The following ADGRL3 variants were observed in gnomAD, a reference collection of about 807,000 sequenced individuals.
ADGRL3 encodes calcium-independent alpha-latrotoxin receptor 3.
A neutral mutation model predicts 153.5 loss-of-function variants in ADGRL3; 62 were observed. That is an observed-to-expected ratio of 0.40 (90% confidence interval 0.33 to 0.50). The LOEUF (loss-of-function observed/expected upper bound fraction) is 0.50, where lower values mean the gene tolerates loss of function less well. Among genes scored for constraint, ADGRL3 ranks in the 20% least tolerant of loss-of-function variants. ADGRL3 has a pLI of 0.47. For missense variants in ADGRL3, 1,641 were observed against 1,859.4 expected (o/e 0.88, Z 2.16); for synonymous variants, 710 against 672.5 (o/e 1.06, Z -0.86).
intron 12 of ADGRL3, among the ~76,000 whole-genome samples, chr4:61,912,016 A>T (rs1381445695): frequency 6.6e-6 from 1 of 152,190 alleles, no homozygotes; most frequent in African/African-American, 2.4e-5. Flanking sequence ...ATCACTCTCT[A>T]TGCAAACAAA....
Position 62,018,060 on chromosome 4 carries a change from T to G in ADGRL3, c.3396-10795T>G, listed in dbSNP as rs557182228. Among the ~76,000 whole-genome samples, 11 of 152,204 alleles carry G rather than the reference T, an allele frequency of 7.2e-5. No individual in the cohort carries two copies. In the East Asian group the frequency reaches 1.9e-3, roughly 27 times the overall value. ...ATGAGAGATTCAAAAGAATATAGAT[T>G]CCTGAAAAATTTCACTGTTTGCAAA... is the stretch of plus-strand genomic sequence containing the variant. On this transcript the variant is annotated intron_variant, in intron 21 of 26. Transcript: ENST00000683033.
At chr4:61,918,750 T>C (rs1233403843) in intron 13 of ADGRL3, among the ~76,000 whole-genome samples, 2 of 152,220 alleles carry the variant, frequency 1.3e-5, no homozygotes, top group Non-Finnish European at 2.9e-5. Flanking sequence ...CAACTTTTGA[T>C]AATTAAAAAG....
intron 19 of ADGRL3, among the ~76,000 whole-genome samples, chr4:61,985,305 G>A (rs946368197): frequency 2.0e-5 from 3 of 151,652 alleles, no homozygotes; most frequent in Admixed American, 6.6e-5. Context: ...TGAGGTGAGT[G>A]TGAAGAAAAG....
chr4:61,281,384 C>T (rs2149996101), intron 1 of ADGRL3, among the ~76,000 whole-genome samples: 1 of 152,138 alleles, frequency 6.6e-6, no homozygotes, highest in Non-Finnish European at 1.5e-5. Context: ...TTGGGTACCC[C>T]AAGAGTAAAA....
chr4:61,913,482 A>G (rs370209988), intron 13 of ADGRL3, among the ~76,000 whole-genome samples: 2 of 152,186 alleles, frequency 1.3e-5, no homozygotes, highest in African/African-American at 4.8e-5. Flanking sequence ...TTTATTCTAC[A>G]TGTATACATT....
At chr4:61,467,791 C>T (rs1397737146) in intron 2 of ADGRL3, among the ~76,000 whole-genome samples, 1 of 151,986 alleles carries the variant, frequency 6.6e-6, no homozygotes, top group Non-Finnish European at 1.5e-5. Context: ...TGCAAAATGC[C>T]TAACTACATC....
At chr4:61,313,572 T>C (rs891598667) in intron 1 of ADGRL3, among the ~76,000 whole-genome samples, 14 of 152,178 alleles carry the variant, frequency 9.2e-5, no homozygotes, top group African/African-American at 3.4e-4. Flanking sequence ...AACTGTGATC[T>C]TAAGCGAAAA....
At chr4:61,517,606 C>T in intron 4 of ADGRL3, 88 bp downstream of exon 4, 1 of 671,426 alleles carries the variant, frequency 1.5e-6, no homozygotes, top group Non-Finnish European at 2.7e-6. Context: ...CGAAATGTGT[C>T]TTCTTGTAAG....
At chr4:61,446,459 G>C (rs960039142) in intron 2 of ADGRL3, among the ~76,000 whole-genome samples, 9 of 152,144 alleles carry the variant, frequency 5.9e-5, no homozygotes, top group Admixed American at 2.0e-4. Context: ...AGAATGTATG[G>C]TTCCAAGCTC....
At chr4:62,057,567 G>T (rs1487303606) in intron 25 of ADGRL3, among the ~76,000 whole-genome samples, 5 of 152,124 alleles carry the variant, frequency 3.3e-5, no homozygotes, top group Non-Finnish European at 7.4e-5. Flanking sequence ...TTTCAATATG[G>T]AATACGAAAA....
intron 1 of ADGRL3, among the ~76,000 whole-genome samples, chr4:61,297,825 G>GCCA (rs147721915): frequency 2.0e-5 from 3 of 151,340 alleles, no homozygotes; most frequent in Admixed American, 6.6e-5. Context: ...CACTACCGTC[G>GCCA]CCACCACCAC....
intron 4 of ADGRL3, among the ~76,000 whole-genome samples, chr4:61,562,180 G>GTATACA (rs2098797823): frequency 6.6e-6 from 1 of 152,154 alleles, no homozygotes; most frequent in Non-Finnish European, 1.5e-5. Flanking sequence ...TATAAAAACA[G>GTATACA]TATACATACC....
intron 1 of ADGRL3, among the ~76,000 whole-genome samples, chr4:61,333,991 C>G (rs980713025): frequency 5.3e-5 from 8 of 151,046 alleles, no homozygotes; most frequent in African/African-American, 1.7e-4. Context: ...TCTTGACTCA[C>G]TGCAATCTCT....
intron 2 of ADGRL3, among the ~76,000 whole-genome samples, chr4:61,460,199 T>C (rs868511031): frequency 6.6e-6 from 1 of 152,152 alleles, no homozygotes; most frequent in Admixed American, 6.5e-5. Flanking sequence ...CTAGTAATTT[T>C]ATAGTTTTGG....
At chr4:61,782,362 A>G (rs536738485) in intron 8 of ADGRL3, among the ~76,000 whole-genome samples, 1 of 152,272 alleles carries the variant, frequency 6.6e-6, no homozygotes, top group Non-Finnish European at 1.5e-5. Context: ...ATTCATTTAA[A>G]AAATTTTATG....
intron 1 of ADGRL3, among the ~76,000 whole-genome samples, chr4:61,241,120 G>A (rs11726319): frequency 0.15 from 22,627 of 151,856 alleles, 1,810 homozygotes; most frequent in South Asian, 0.23. Context: ...CAGATTTATA[G>A]CGAAGGTATA....
intron 8 of ADGRL3, among the ~76,000 whole-genome samples, chr4:61,795,834 C>T (rs1173556554): frequency 6.6e-6 from 1 of 152,070 alleles, no homozygotes; most frequent in Non-Finnish European, 1.5e-5. Context: ...CATACCTTGC[C>T]TCATATCCTA....
chr4:61,462,969 CT>C (rs2152611660), intron 2 of ADGRL3, among the ~76,000 whole-genome samples: 1 of 152,246 alleles, frequency 6.6e-6, no homozygotes, highest in East Asian at 1.9e-4. Flanking sequence ...CCTCCAAGGT[CT>C]CTGCTAGAAA....
chr4:61,495,082 G>A (rs1343610871), intron 2 of ADGRL3, among the ~76,000 whole-genome samples: 1 of 152,070 alleles, frequency 6.6e-6, no homozygotes, highest in Non-Finnish European at 1.5e-5. Flanking sequence ...GATAAAAAAT[G>A]GAGATGCTAT....
Sources: allele counts gnomAD v4.1 joint callset (sites outside exome capture counted in the v4.1 genomes callset), GRCh38; gene constraint gnomAD v4.1.1; transcripts MANE v1.5; gene names NCBI Gene and HGNC (gene_info 2026-07-23, HGNC 2026-07-21).